Variants in IGSF1 observed in about 807,000 individuals in gnomAD.
IGSF1 encodes the protein immunoglobulin superfamily member 1.
IGSF1 carries 40 observed loss-of-function variants against 95.3 expected under a neutral mutation model. That is an observed-to-expected ratio of 0.42 (90% CI 0.33 to 0.55). The LOEUF (loss-of-function observed/expected upper bound fraction) is 0.55, where lower values mean the gene tolerates loss of function less well. Among genes scored for constraint, IGSF1 ranks in the 20% least tolerant of loss-of-function variants. The pLI is 0.10. For synonymous variants in IGSF1, 372 were observed against 382.9 expected (o/e 0.97, Z 0.33); for missense variants, 906 against 1,025.4 (o/e 0.88, Z 1.59).
At chrX:131,281,980 C>T (rs1351128717) in intron 7 of IGSF1, 36 bp from the exon 8 acceptor site, 2 of 1,145,426 alleles carry the variant, frequency 1.7e-6, no homozygotes, top group Middle Eastern at 2.5e-4. Flanking sequence ...GAGAAGTGAC[C>T]TCAAACCCAG....
chrX:131,282,820 C>T, intron 6 of IGSF1, 83 bp from the exon 7 acceptor site: 1 of 1,025,139 alleles, frequency 9.8e-7, no homozygotes. Context: ...TCTCTTCCTC[C>T]AAACCACCCT....
intron 13 of IGSF1, 59 bp downstream of exon 13, chrX:131,277,797 A>C (rs1219286773): frequency 1.8e-6 from 2 of 1,128,847 alleles, no homozygotes. Context: ...TGTCTGACCC[A>C]GGGCTTTGCC....
At chrX:131,280,629 G>C (rs1186417322) in intron 9 of IGSF1, among the ~76,000 whole-genome samples, 1 of 112,083 alleles carries the variant, frequency 8.9e-6, no homozygotes, top group African/African-American at 3.2e-5. Context: ...GTGAGTTTGT[G>C]AGTCAGAGGA....
In IGSF1 at chrX:131,277,086, C is replaced by T. The variant is rs1311567632; in HGVS notation, c.2461G>A (p.Asp821Asn). Reference protein sequence around the residue: ...YKDGSEIASSDRSWASPGASA... With the variant: ...YKDGSEIASSNRSWASPGASA... ...GCCCCCGGACTTGCCCAGGACCTGT[C>T]ACTGGATGCTATTTCACTTCCATCT... The change falls in exon 14 of 20, where the codon GAC becomes AAC. Residue 821 changes from aspartate to asparagine, a missense_variant. Asp to Asn is a conservative substitution (Grantham distance 23). Transcript: ENST00000361420. 1 of 1,209,271 alleles carries T rather than the reference C, an allele frequency of 8.3e-7. No homozygotes were observed. Among genetic ancestry groups the T allele is most frequent in the East Asian group, 3.0e-5 (1 of 33,736 alleles).
chrX:131,279,081 G>A (rs1033817633), intron 11 of IGSF1, 62 bp downstream of exon 11: 9 of 1,075,773 alleles, frequency 8.4e-6, no homozygotes, highest in South Asian at 3.7e-5. Flanking sequence ...TGACACTGAC[G>A]CTCTGTAGTT....
Position 131,289,293 on chromosome X carries a change from A to G in IGSF1, c.-147T>C, listed in dbSNP as rs1188526021. The G allele has an allele frequency of 2.7e-6, 1 of 375,025 alleles. No individual in the cohort carries two copies. Among genetic ancestry groups the G allele is most frequent in the Non-Finnish European group, 5.2e-6 (1 of 192,429 alleles). The allele number at this position is 375,025 out of a possible 1,213,427, so 30.9% of individuals were successfully genotyped here. On this transcript the variant is annotated 5_prime_UTR_variant, in exon 1 of 20. Transcript: ENST00000361420. ...GCAGCAAACTGCCCGGCATGAGAAG[A>G]GCTGTCTAAGGACAGCCTCTTCGGC...
chrX:131,283,913 T>C (rs1204762478), intron 5 of IGSF1, among the ~76,000 whole-genome samples: 1 of 112,132 alleles, frequency 8.9e-6, no homozygotes, highest in Non-Finnish European at 1.9e-5. Context: ...AGCTCTGTCA[T>C]ATGCTCACTG....
In IGSF1 at chrX:131,286,462, C is replaced by A; in HGVS notation, c.72G>T (p.Arg24=). Residue 24 remains arginine, a splice_region_variant and synonymous_variant, in exon 3 of 20, where the codon CGG becomes CGT. Coordinates refer to ENST00000361420, the MANE Select transcript of IGSF1 (RefSeq NM_001555.5). ...KTFTVLLFCI[R]MSLGMTSIVM... is the part of the protein sequence containing the mutation. Reference sequence around the variant, plus strand: ...CTATTGATGTCATACCCAGACTCATCCCTGAAAAGAGAGATTATGGTAAAG... The same window carrying A: ...CTATTGATGTCATACCCAGACTCATACCTGAAAAGAGAGATTATGGTAAAG... The A allele has an allele frequency of 8.3e-7, 1 of 1,204,053 alleles. No homozygotes were observed. The highest frequency in any genetic ancestry group is 1.1e-6 in the Non-Finnish European group (1 of 888,526).
intron 8 of IGSF1, 36 bp downstream of exon 8, chrX:131,281,630 A>G (rs765764343): frequency 8.5e-7 from 1 of 1,180,402 alleles, no homozygotes; most frequent in Admixed American, 2.2e-5. Flanking sequence ...TCCCTGGGGT[A>G]TGGAGGGGCA....
rs2080566632 is a variant in IGSF1, at chrX:131,281,892, T to G, written c.1299A>C (p.Leu433=). 1 of 1,208,429 alleles carries G rather than the reference T, an allele frequency of 8.3e-7. No individual in the cohort carries two copies. The highest frequency in any genetic ancestry group is 1.8e-5 in the South Asian group (1 of 56,701). The change falls in exon 8 of 20, where the codon CTA becomes CTC. Residue 433 remains leucine, a synonymous_variant. Coordinates refer to ENST00000361420, the MANE Select transcript of IGSF1 (RefSeq NM_001555.5). ...LSAWPSTVFK[L]GKAITLQCRV... ...GGCACTGAAGGGTGATGGCCTTTCC[T>G]AGCTTGAACACAGTGCTTGGCCAAG... is the stretch of plus-strand genomic sequence containing the variant.
At chrX:131,284,517 G>A (rs1287573222) in intron 5 of IGSF1, 1 of 751,947 alleles carries the variant, frequency 1.3e-6, no homozygotes. Flanking sequence ...AGAGACTAAA[G>A]CAAATGTGGC....
At chrX:131,284,952 A>T (rs45584439) in intron 5 of IGSF1, 37,207 of 727,441 alleles carry the variant, frequency 0.051, 820 homozygotes, top group Admixed American at 0.08. Context: ...GCTGCTGGCC[A>T]GTTGGCTGGG....
chrX:131,282,347 GCT>G (rs2080574169), intron 7 of IGSF1, 95 bp downstream of exon 7: 3 of 651,423 alleles, frequency 4.6e-6, no homozygotes. Flanking sequence ...TTTGCTCATA[GCT>G]CTCAGAGGAT....
Position 131,278,565 on chromosome X carries a change from G to A in IGSF1, c.1937C>T (p.Pro646Leu), listed in dbSNP as rs2080510074. Residue 646 changes from proline to leucine, a missense_variant, in exon 12 of 20, where the codon CCC (proline) becomes CTC (leucine). This residue lies in a region of IGSF1 where 40 missense variants were observed against 33.4 expected (regional missense o/e 1.20). Transcript: ENST00000361420. ...GTGGCTCTGGGTCAGGGCGCCAAGG[G>A]GGAAGGCAGCCCGGACCTGCTCTGA... is the stretch of plus-strand genomic sequence containing the variant. ...PASEQVRAAF[P>L]LGALTQSHTG... 1 of 1,211,266 alleles carries A rather than the reference G, an allele frequency of 8.3e-7. No individual in the cohort carries two copies. Among genetic ancestry groups the A allele is most frequent in the Non-Finnish European group, 1.1e-6 (1 of 894,886 alleles).
At chrX:131,276,840 G>T in intron 14 of IGSF1, 99 bp downstream of exon 14, 1 of 846,456 alleles carries the variant, frequency 1.2e-6, no homozygotes, top group Non-Finnish European at 1.7e-6. Flanking sequence ...CACGTTCTCA[G>T]TGTGTTTTAG....
intron 9 of IGSF1, 200 bp downstream of exon 9, chrX:131,281,018 T>C (rs1713157678): frequency 2.4e-6 from 1 of 423,663 alleles, no homozygotes; most frequent in African/African-American, 2.4e-5. Context: ...CTGAGAACTA[T>C]GCATTTCTCC....
intron 6 of IGSF1, 70 bp from the exon 7 acceptor site, chrX:131,282,807 C>T (rs2080581578): frequency 9.6e-7 from 1 of 1,044,584 alleles, no homozygotes; most frequent in Non-Finnish European, 1.3e-6. Context: ...AGATTCTTTT[C>T]CTTCTCTTCC....
At chrX:131,284,082 A>G in intron 5 of IGSF1, 1 of 692,077 alleles carries the variant, frequency 1.4e-6, no homozygotes, top group Non-Finnish European at 1.7e-6. Context: ...CTGAAAGGGC[A>G]TGAGTACAAC....
At chrX:131,285,080 GAA>G (rs778711597) in intron 5 of IGSF1, 97 bp downstream of exon 5, 14 of 1,124,693 alleles carry the variant, frequency 1.2e-5, no homozygotes, top group Non-Finnish European at 1.6e-5. Flanking sequence ...GCAGGGCCTA[GAA>G]ACTGGCTGAG....
Sources: gnomAD v4.1 joint callset for allele counts (sites outside exome capture counted in the v4.1 genomes callset) on GRCh38, gnomAD v4.1.1 for gene constraint, gnomAD v4.1.1 regional missense constraint, MANE v1.5 for transcripts, NCBI Gene and HGNC (gene_info 2026-07-23, HGNC 2026-07-21) for gene names.